The following PPEF1 variants were observed in gnomAD, a reference collection of about 807,000 sequenced individuals.
PPEF1 encodes the protein serine/threonine-protein phosphatase with EF-hands 1.
In PPEF1, 12 loss-of-function variants were observed where a neutral mutation model predicts 53.3. The observed-to-expected ratio is 0.23, with a 90% CI of 0.14 to 0.36. The LOEUF is 0.36. Among genes scored for constraint, PPEF1 ranks in the 10% least tolerant of loss-of-function variants. The pLI, the probability that PPEF1 is intolerant of heterozygous loss-of-function variation, is 1.00. For missense variants in PPEF1, 334 were observed against 490.4 expected, an observed-to-expected ratio of 0.68 and a Z score of 3.01; for synonymous variants, 165 against 176.7, an observed-to-expected ratio of 0.93 and a Z score of 0.52.
chrX:18,709,699 T>C (rs1336463442), intron 1 of PPEF1, among the ~76,000 whole-genome samples: 1 of 110,594 alleles, frequency 9.0e-6, no homozygotes, highest in East Asian at 2.8e-4. Flanking sequence ...GGTTTCACCA[T>C]GTTGGCCAGG....
At chrX:18,741,002 A>C (rs192513158) in intron 3 of PPEF1, among the ~76,000 whole-genome samples, 1 of 105,898 alleles carries the variant, frequency 9.4e-6, no homozygotes, top group Admixed American at 1.1e-4. Flanking sequence ...AATACCCTTC[A>C]AAGTGAAGTG....
At chrX:18,675,959 G>GGA (rs1252080697) in exon 1 of PPEF1, 2 of 92,675 alleles carry the variant, frequency 2.2e-5, no homozygotes, top group African/African-American at 8.2e-5. Flanking sequence ...ATTTGGGCGG[G>GGA]GGGGGGGGGG....
At chrX:18,792,639 C>G (rs2046343900) in intron 10 of PPEF1, among the ~76,000 whole-genome samples, 1 of 110,347 alleles carries the variant, frequency 9.1e-6, no homozygotes. Flanking sequence ...ATTGATTTTT[C>G]TCTATTGTTG....
At chrX:18,720,707 T>C (rs2044571655) in intron 1 of PPEF1, among the ~76,000 whole-genome samples, 1 of 112,098 alleles carries the variant, frequency 8.9e-6, no homozygotes, top group South Asian at 3.7e-4. Flanking sequence ...GGTAGTACCA[T>C]TTTTTAGCCC....
At chrX:18,764,192 C>T (rs2045722804) in intron 6 of PPEF1, among the ~76,000 whole-genome samples, 1 of 111,209 alleles carries the variant, frequency 9.0e-6, no homozygotes, top group African/African-American at 3.3e-5. Context: ...CATGGGCAGC[C>T]CAAGCCATCG....
intron 3 of PPEF1, among the ~76,000 whole-genome samples, chrX:18,739,437 CTTCAGAACAGCAAATAT>C (rs1211057446): frequency 8.9e-6 from 1 of 112,317 alleles, no homozygotes; most frequent in Non-Finnish European, 1.9e-5. Context: ...CCAGCAGAGG[CTTCAGAACAGCAAATAT>C]TGCAGAACGG....
intron 3 of PPEF1, among the ~76,000 whole-genome samples, chrX:18,734,559 T>C: frequency 9.0e-6 from 1 of 111,256 alleles, no homozygotes; most frequent in South Asian, 3.8e-4. Context: ...TCCAAGTCTT[T>C]GCTATTGTGA....
At chrX:18,743,782 T>C (rs1048135750) in intron 3 of PPEF1, among the ~76,000 whole-genome samples, 4 of 111,044 alleles carry the variant, frequency 3.6e-5, no homozygotes, top group Non-Finnish European at 1.9e-5. Context: ...TTATTGGTCA[T>C]GTGGACATCT....
intron 10 of PPEF1, among the ~76,000 whole-genome samples, chrX:18,792,570 C>G: frequency 9.1e-6 from 1 of 109,301 alleles, no homozygotes; most frequent in Non-Finnish European, 1.9e-5. Context: ...TTTTGTTGGT[C>G]AGTCTCACTA....
At chrX:18,801,965 CAG>C (rs2046555052) in intron 10 of PPEF1, among the ~76,000 whole-genome samples, 1 of 97,458 alleles carries the variant, frequency 1.0e-5, no homozygotes, top group Non-Finnish European at 2.0e-5. Flanking sequence ...GCCTGGGTGA[CAG>C]AGCGAGACTC....
At chrX:18,719,742 G>C in intron 1 of PPEF1, among the ~76,000 whole-genome samples, 1 of 111,019 alleles carries the variant, frequency 9.0e-6, no homozygotes. Flanking sequence ...GGCTTTAAAT[G>C]GGCCATTTAA....
At chrX:18,792,587 G>A (rs2046343049) in intron 10 of PPEF1, among the ~76,000 whole-genome samples, 1 of 110,206 alleles carries the variant, frequency 9.1e-6, no homozygotes, top group East Asian at 2.8e-4. Flanking sequence ...ACTAAGGTTT[G>A]TCAATGTTAT....
intron 13 of PPEF1, among the ~76,000 whole-genome samples, chrX:18,818,453 C>T (rs1402668974): frequency 1.9e-5 from 2 of 107,077 alleles, no homozygotes; most frequent in Non-Finnish European, 3.8e-5. Context: ...TCACTATGAC[C>T]TCCACCTCCT....
intron 4 of PPEF1, among the ~76,000 whole-genome samples, chrX:18,750,980 A>T (rs1183703200): frequency 9.0e-6 from 1 of 111,657 alleles, no homozygotes; most frequent in Non-Finnish European, 1.9e-5. Flanking sequence ...GGCCATTTGT[A>T]TACCTTCTTT....
In PPEF1 at chrX:18,709,512, T is replaced by TC. The variant is rs1391930213; in HGVS notation, c.46+1686_46+1687insC. Among the ~76,000 whole-genome samples, 96 of 108,542 alleles carry TC rather than the reference T, an allele frequency of 8.8e-4. 1 individual carries two copies. The highest frequency in any genetic ancestry group is 3.0e-3 in the African/African-American group (88 of 29,484). 94.3% of individuals were successfully genotyped at this position (108,542 alleles called of 115,157 possible). On this transcript the variant is annotated intron_variant, in intron 1 of 15. Coordinates refer to ENST00000470157, the MANE Select transcript of PPEF1 (RefSeq NM_001377996.1). ...TCAGCTTTGTTTTTTGTTTTTTGTT[T>TC]TTTTTGAGACAGTCTTGCTCTGTCA... is the stretch of plus-strand genomic sequence containing the variant.
chrX:18,696,859 C>T (rs764058326), intron 4 of PPEF1, among the ~76,000 whole-genome samples: 1 of 111,778 alleles, frequency 8.9e-6, no homozygotes, highest in South Asian at 3.8e-4. Context: ...CAAGCAGACA[C>T]CTTAAGTACC....
rs757668487 is a variant in PPEF1 at position 18,803,918 on chromosome X, C to G, written c.1092C>G (p.Pro364=). Residue 364 remains proline, a synonymous_variant, in exon 11 of 16, where the codon CCC becomes CCG. Transcript: ENST00000470157. ...EQIIDILWSD[P]RGKNGCFPNT... ...TTATTGATATTCTGTGGAGTGATCC[C>G]AGAGGCAAAAATGGCTGTTTTCCAA... 1 of 1,208,456 alleles carries G rather than the reference C, an allele frequency of 8.3e-7. No homozygotes were observed. The highest frequency in any genetic ancestry group is 1.7e-5 in the African/African-American group (1 of 57,645).
chrX:18,783,294 G>T (rs2046128519), intron 8 of PPEF1, among the ~76,000 whole-genome samples: 1 of 109,819 alleles, frequency 9.1e-6, no homozygotes, highest in Non-Finnish European at 1.9e-5. Context: ...GGTAGCTGGG[G>T]TGTGGGCTCT....
chrX:18,818,222 C>A, intron 13 of PPEF1, 77 bp downstream of exon 13: 1 of 615,468 alleles, frequency 1.6e-6, no homozygotes. Context: ...TTCCTTGCTT[C>A]CTTAGGATTT....
Sources: allele counts gnomAD v4.1 joint callset (sites outside exome capture counted in the v4.1 genomes callset), GRCh38; gene constraint gnomAD v4.1.1; transcripts MANE v1.5; gene names NCBI Gene and HGNC (gene_info 2026-07-23, HGNC 2026-07-21).